Variants in KCNMA1 observed in about 807,000 individuals in gnomAD.
KCNMA1 encodes potassium calcium-activated channel subfamily M alpha 1, also known as Calcium-activated potassium channel subunit alpha-1.
KCNMA1 carries 29 observed loss-of-function variants against 140.0 expected under a neutral mutation model. That is an observed-to-expected ratio of 0.21 (90% CI 0.15 to 0.28). The LOEUF (loss-of-function observed/expected upper bound fraction) is 0.28, where lower values mean the gene tolerates loss of function less well. Among genes scored for constraint, KCNMA1 ranks in the 10% least tolerant of loss-of-function variants. The pLI is 1.00. For missense variants in KCNMA1, 880 were observed against 1,602.2 expected (o/e 0.55, Z 7.70); for synonymous variants, 612 against 611.9 (o/e 1.00, Z 0.00).
intron 1 of KCNMA1, among the ~76,000 whole-genome samples, chr10:77,472,392 T>G (rs166107): frequency 0.25 from 23,508 of 95,554 alleles, 1,955 homozygotes; most frequent in African/African-American, 0.33. Context: ...TATACAAACA[T>G]CACAGACACA....
At chr10:77,423,479 T>C (rs898821143) in intron 1 of KCNMA1, among the ~76,000 whole-genome samples, 3 of 152,196 alleles carry the variant, frequency 2.0e-5, no homozygotes, top group African/African-American at 7.2e-5. Context: ...GTATAATTTT[T>C]ATTCTTGGGC....
intron 19 of KCNMA1, chr10:76,995,397 T>C: frequency 5.4e-6 from 2 of 373,220 alleles, no homozygotes; most frequent in South Asian, 4.1e-5. Flanking sequence ...TCGAGGCTCC[T>C]GGTGCAGGTG....
At chr10:77,406,096 C>G (rs977818986) in intron 1 of KCNMA1, among the ~76,000 whole-genome samples, 1 of 152,200 alleles carries the variant, frequency 6.6e-6, no homozygotes, top group Non-Finnish European at 1.5e-5. Flanking sequence ...GCAGATGTAT[C>G]TGGGGGCTGC....
rs754643763 is a variant in KCNMA1, at chr10:77,630,598, G to A, written c.378+6667C>T. Among the ~76,000 whole-genome samples the A allele has an allele frequency of 6.6e-5, 10 of 152,138 alleles. No homozygotes were observed. The South Asian group carries it at 8.3e-4, about 13-fold the overall frequency. ...TGCTTCTCATCCCTTCCCCCTTCAA[G>A]AGCTGGGAATTTCCACATTTAAAAA... On this transcript the variant is annotated intron_variant, in intron 1 of 27. Transcript: ENST00000286628.
intron 2 of KCNMA1, among the ~76,000 whole-genome samples, chr10:77,281,891 A>T (rs925868327): frequency 8.5e-5 from 13 of 152,220 alleles, no homozygotes; most frequent in African/African-American, 3.1e-4. Context: ...GTGGTTTCCT[A>T]CAGCTGCGGT....
intron 14 of KCNMA1, chr10:77,064,039 TG>T (rs2095850359): frequency 1.0e-6 from 1 of 985,308 alleles, no homozygotes; most frequent in Admixed American, 6.2e-5. Context: ...CCATCCTCGC[TG>T]GGCACCGGAC....
At position 77,108,386 on chromosome 10, in the gene KCNMA1, A is replaced by G; in HGVS notation, c.1223+95T>C. 3 of 1,586,604 alleles carry G rather than the reference A, an allele frequency of 1.9e-6. No homozygotes were observed. The highest frequency in any genetic ancestry group is 1.8e-5 in the Admixed American group (1 of 56,826). ...TAGCGGGCAAACATTGCCTACATGC[A>G]TGAAACAAAGAAACAAGAGCCAAAA... On this transcript the variant is annotated intron_variant, in intron 9 of 27. Coordinates refer to ENST00000286628, the MANE Select transcript of KCNMA1 (RefSeq NM_001161352.2). The surrounding 1 kb of genome is among the most constrained non-coding windows in gnomAD (Gnocchi z 4.6).
intron 15 of KCNMA1, among the ~76,000 whole-genome samples, chr10:77,037,798 CT>C (rs2094433654): frequency 6.6e-6 from 1 of 152,168 alleles, no homozygotes; most frequent in Non-Finnish European, 1.5e-5. Flanking sequence ...AAACTAGCTT[CT>C]GTTAAAAAGC....
At chr10:76,937,069 T>C (rs868296728) in intron 23 of KCNMA1, among the ~76,000 whole-genome samples, 1 of 152,126 alleles carries the variant, frequency 6.6e-6, no homozygotes, top group South Asian at 2.1e-4. Flanking sequence ...CCAATCTCCC[T>C]CCCATCACAA....
chr10:77,204,821 G>A (rs1392871540), intron 3 of KCNMA1, among the ~76,000 whole-genome samples: 1 of 152,190 alleles, frequency 6.6e-6, no homozygotes, highest in Non-Finnish European at 1.5e-5. Context: ...CTGCATACGA[G>A]TGAAACTACT....
At chr10:77,530,816 G>A (rs1183574753) in intron 1 of KCNMA1, among the ~76,000 whole-genome samples, 1 of 152,094 alleles carries the variant, frequency 6.6e-6, no homozygotes, top group African/African-American at 2.4e-5. Flanking sequence ...TATTATCCTT[G>A]AAATCAACTT....
chr10:77,442,052 T>G (rs2097416636), intron 1 of KCNMA1, among the ~76,000 whole-genome samples: 1 of 152,150 alleles, frequency 6.6e-6, no homozygotes, highest in South Asian at 2.1e-4. Context: ...TCACAGTTCT[T>G]AGAGTCAGGG....
chr10:76,976,478 T>A (rs1256584044), intron 19 of KCNMA1, among the ~76,000 whole-genome samples: 1 of 152,152 alleles, frequency 6.6e-6, no homozygotes, highest in Non-Finnish European at 1.5e-5. Context: ...CCACATGACA[T>A]GGAATGCAGT....
At chr10:77,082,262 C>G (rs1017751171) in intron 12 of KCNMA1, among the ~76,000 whole-genome samples, 2 of 151,838 alleles carry the variant, frequency 1.3e-5, no homozygotes, top group Non-Finnish European at 2.9e-5. Flanking sequence ...CTCCTGACCT[C>G]GTGATCTGCC....
At chr10:76,920,309 ACTTACTGAGTG>A (rs1461197766) in intron 23 of KCNMA1, among the ~76,000 whole-genome samples, 1 of 151,962 alleles carries the variant, frequency 6.6e-6, no homozygotes, top group East Asian at 1.9e-4. Flanking sequence ...AATAGCCAAC[ACTTACTGAGTG>A]CTTACTATGT....
chr10:76,879,199 G>A (rs7078013), intron 29 of KCNMA1, among the ~76,000 whole-genome samples: 90,366 of 151,832 alleles, frequency 0.6, 27,624 homozygotes, highest in African/African-American at 0.75. Context: ...TACTTCTGCT[G>A]TTTCAAGTGC....
At chr10:77,030,115 T>TCAG (rs2153537539) in intron 15 of KCNMA1, among the ~76,000 whole-genome samples, 1 of 152,308 alleles carries the variant, frequency 6.6e-6, no homozygotes, top group East Asian at 1.9e-4. Context: ...AGCACTGCCT[T>TCAG]CAGCAGACAG....
rs1367543574 is a variant in KCNMA1, at chr10:76,885,324, G to GA, written c.*1941dup. On this transcript the variant is annotated 3_prime_UTR_variant, in exon 28 of 28. Coordinates refer to ENST00000286628, the MANE Select transcript of KCNMA1 (RefSeq NM_001161352.2). ...ATATATAGAGGGACAAAAATAATTT[G>GA]AAAAAATTCTTCCACTCATAGGGCT... 1.0e-6 allele frequency: 1 copy of GA among 968,870 alleles called. No individual in the cohort carries two copies. Among genetic ancestry groups the GA allele is most frequent in the Middle Eastern group, 5.3e-4 (1 of 1,882 alleles). The allele number at this position is 968,870 out of a possible 1,614,324, so 60.0% of individuals were successfully genotyped here. A position where few individuals can be genotyped will look rare whatever the true frequency, so the allele number is the denominator to read the frequency against.
intron 2 of KCNMA1, among the ~76,000 whole-genome samples, chr10:77,358,184 G>A (rs1566226111): frequency 1.3e-5 from 2 of 152,090 alleles, no homozygotes; most frequent in African/African-American, 4.8e-5. Context: ...ACCTAGCTGA[G>A]AGCCACAGAA....
Sources: gnomAD v4.1 joint callset for allele counts (sites outside exome capture counted in the v4.1 genomes callset) on GRCh38, gnomAD v4.1.1 for gene constraint, Gnocchi (gnomAD v3.1) non-coding constraint, MANE v1.5 for transcripts, NCBI Gene and HGNC (gene_info 2026-07-23, HGNC 2026-07-21) for gene names.